The following NRXN1 variants were observed in gnomAD, a reference collection of about 807,000 sequenced individuals.
NRXN1 encodes neurexin-1.
A neutral mutation model predicts 150.9 loss-of-function variants in NRXN1; 39 were observed. The observed-to-expected ratio is 0.26, with a 90% CI of 0.20 to 0.34. The LOEUF (loss-of-function observed/expected upper bound fraction) is 0.34, where lower values mean the gene tolerates loss of function less well. Among genes scored for constraint, NRXN1 ranks in the 10% least tolerant of loss-of-function variants. The probability of loss-of-function intolerance (pLI) is 1.00; values close to 1 mark genes in which losing one functional copy is unlikely to be tolerated. For synonymous variants in NRXN1, 924 were observed against 757.0 expected, an observed-to-expected ratio of 1.22 and a Z score of -3.62; for missense variants, 1,815 against 1,949.9, an observed-to-expected ratio of 0.93 and a Z score of 1.30.
chr2:50,338,781 T>G (rs577557299), intron 17 of NRXN1, among the ~76,000 whole-genome samples: 105 of 151,908 alleles, frequency 6.9e-4, no homozygotes, highest in African/African-American at 2.5e-3. Context: ...ACTGTGAGAG[T>G]ACTGTGTCAC....
intron 22 of NRXN1, among the ~76,000 whole-genome samples, chr2:49,931,707 T>A (rs897633081): frequency 2.6e-5 from 4 of 152,070 alleles, no homozygotes; most frequent in Admixed American, 2.6e-4. Flanking sequence ...GTATATGTTT[T>A]TCCTCAAAAT....
chr2:50,535,944 T>A (rs1403240481), intron 10 of NRXN1, among the ~76,000 whole-genome samples: 4 of 152,290 alleles, frequency 2.6e-5, no homozygotes, highest in Non-Finnish European at 4.4e-5. Flanking sequence ...AAAACAACTT[T>A]AAAAGTTCTC....
At chr2:50,950,377 T>G (rs1691117275) in intron 2 of NRXN1, among the ~76,000 whole-genome samples, 1 of 152,206 alleles carries the variant, frequency 6.6e-6, no homozygotes, top group Non-Finnish European at 1.5e-5. Flanking sequence ...AATACCCATT[T>G]GACAATTTAG....
At chr2:50,723,581 T>G (rs1171168764) in intron 5 of NRXN1, among the ~76,000 whole-genome samples, 2 of 152,214 alleles carry the variant, frequency 1.3e-5, no homozygotes, top group East Asian at 3.9e-4. Context: ...CCAGCTCATC[T>G]GAATTCAAGA....
intron 18 of NRXN1, among the ~76,000 whole-genome samples, chr2:50,208,229 A>G (rs2062755399): frequency 6.6e-6 from 1 of 152,058 alleles, no homozygotes; most frequent in South Asian, 2.1e-4. Flanking sequence ...ACCCTCATCC[A>G]GTGGGCAGAC....
intron 17 of NRXN1, among the ~76,000 whole-genome samples, chr2:50,358,418 G>A (rs528171110): frequency 2.0e-5 from 3 of 152,286 alleles, no homozygotes; most frequent in African/African-American, 4.8e-5. Context: ...CCATTACTGA[G>A]GCTTGAGTAG....
At chr2:50,586,480 C>A (rs558743713) in intron 8 of NRXN1, among the ~76,000 whole-genome samples, 2 of 151,582 alleles carry the variant, frequency 1.3e-5, no homozygotes, top group African/African-American at 4.8e-5. Flanking sequence ...TATTGTATAC[C>A]GACCTATAAT....
In NRXN1 at chr2:50,577,340, G is replaced by A. The variant is rs555136683; in HGVS notation, c.1321-24315C>T. Among the ~76,000 whole-genome samples the A allele has an allele frequency of 3.3e-5, 5 of 151,460 alleles. No individual in the cohort carries two copies. The East Asian group carries it at 9.7e-4, about 29-fold the overall frequency. ...GTCTCATCAACTGTAATAGATAAATGTTAGCTGCATATACACTAGTTGTCT... is the reference window on the plus strand; with the variant it reads ...GTCTCATCAACTGTAATAGATAAATATTAGCTGCATATACACTAGTTGTCT... On this transcript the variant is annotated intron_variant, in intron 8 of 22. Transcript: ENST00000401669.
intron 18 of NRXN1, among the ~76,000 whole-genome samples, chr2:50,115,914 T>C (rs1394578710): frequency 6.6e-6 from 1 of 152,132 alleles, no homozygotes; most frequent in African/African-American, 2.4e-5. Flanking sequence ...TAAGGAGAAG[T>C]AATTTTTCAT....
intron 5 of NRXN1, among the ~76,000 whole-genome samples, chr2:50,700,399 G>T (rs924367764): frequency 6.6e-6 from 1 of 151,988 alleles, no homozygotes; most frequent in African/African-American, 2.4e-5. Flanking sequence ...AATTTTTCTG[G>T]ACAAGATATG....
intron 5 of NRXN1, among the ~76,000 whole-genome samples, chr2:50,790,316 T>C (rs901627513): frequency 6.6e-5 from 10 of 152,180 alleles, no homozygotes; most frequent in African/African-American, 2.4e-4. Context: ...AGAAACTGCT[T>C]TAATAACTCA....
rs1296269736 is a variant in NRXN1, at chr2:49,921,986, G to A, written c.4482C>T (p.Ser1494=). Residue 1494 remains serine, a synonymous_variant, in exon 23 of 23, where the codon TCC becomes TCT. Coordinates refer to ENST00000401669, the MANE Select transcript of NRXN1 (RefSeq NM_001330078.2). ...KEKQPSSAKS[S]NKNKKNKDKE... is the part of the protein sequence containing the mutation. ...TATCCTTGTTTTTCTTATTTTTGTT[G>A]GAGCTTTTCGCACTGCTGGGTTGTT... is the stretch of plus-strand genomic sequence containing the variant. 1 of 1,614,008 alleles carries A rather than the reference G, an allele frequency of 6.2e-7. No individual in the cohort carries two copies.
intron 22 of NRXN1, among the ~76,000 whole-genome samples, chr2:49,940,500 T>A (rs141497532): frequency 0.014 from 2,099 of 152,132 alleles, 164 homozygotes; most frequent in Admixed American, 0.11. Context: ...AACCAGTACA[T>A]TAGGAAACAA....
At chr2:50,043,124 T>C (rs1691271193) in intron 21 of NRXN1, among the ~76,000 whole-genome samples, 1 of 152,212 alleles carries the variant, frequency 6.6e-6, no homozygotes, top group Non-Finnish European at 1.5e-5. Flanking sequence ...TCTTTATACA[T>C]GTGTTTTTTT....
chr2:50,199,863 T>C (rs1424694962), intron 18 of NRXN1, among the ~76,000 whole-genome samples: 2 of 152,154 alleles, frequency 1.3e-5, no homozygotes, highest in African/African-American at 4.8e-5. Flanking sequence ...TTGGACAATT[T>C]CATAAAACAA....
At chr2:50,019,185 A>G (rs1363529941) in intron 21 of NRXN1, 1 of 471,094 alleles carries the variant, frequency 2.1e-6, no homozygotes, top group Non-Finnish European at 4.4e-6. Context: ...AGAAATTTAC[A>G]TGTATTCAGC....
At chr2:50,953,546 T>G (rs1691761585) in intron 2 of NRXN1, among the ~76,000 whole-genome samples, 1 of 151,738 alleles carries the variant, frequency 6.6e-6, no homozygotes. Flanking sequence ...ATTTCTATGT[T>G]CAAGTGACAA....
intron 2 of NRXN1, among the ~76,000 whole-genome samples, chr2:51,007,530 C>T (rs541220769): frequency 2.6e-5 from 4 of 151,906 alleles, no homozygotes; most frequent in African/African-American, 9.6e-5. Context: ...CACATCAAAA[C>T]GTACTTTTAC....
chr2:50,862,977 T>A (rs1473762266), intron 5 of NRXN1, among the ~76,000 whole-genome samples: 1 of 152,006 alleles, frequency 6.6e-6, no homozygotes, highest in Non-Finnish European at 1.5e-5. Context: ...GAGTTTCATA[T>A]CAATGTGATA....
Sources: gnomAD v4.1 joint callset for allele counts (sites outside exome capture counted in the v4.1 genomes callset) on GRCh38, gnomAD v4.1.1 for gene constraint, MANE v1.5 for transcripts, NCBI Gene and HGNC (gene_info 2026-07-23, HGNC 2026-07-21) for gene names.